The following FAM120B variants were observed in gnomAD, a reference collection of about 807,000 sequenced individuals.
FAM120B encodes the protein family with sequence similarity 120 member B, also known as constitutive coactivator of peroxisome proliferator-activated receptor gamma.
Under a neutral mutation model 96.3 loss-of-function variants are expected in FAM120B, and 83 were observed. That is an observed-to-expected ratio of 0.86 (90% CI 0.72 to 1.03). The LOEUF is 1.03. Among genes scored for constraint, FAM120B ranks in the 50% least tolerant of loss-of-function variants. The pLI, the probability that FAM120B is intolerant of heterozygous loss-of-function variation, is 0.00. For synonymous variants in FAM120B, 407 were observed against 402.7 expected, an observed-to-expected ratio of 1.01 and a Z score of -0.13; for missense variants, 1,027 against 1,121.2, an observed-to-expected ratio of 0.92 and a Z score of 1.20.
chr6:170,329,771 G>A (rs1339956252), intron 3 of FAM120B, among the ~76,000 whole-genome samples: 1 of 152,044 alleles, frequency 6.6e-6, no homozygotes, highest in East Asian at 1.9e-4. Context: ...ACATTAAGGG[G>A]ACATCTCTCC....
chr6:170,356,297 A>G (rs1787949896), intron 5 of FAM120B, among the ~76,000 whole-genome samples: 1 of 152,206 alleles, frequency 6.6e-6, no homozygotes, highest in Admixed American at 6.5e-5. Flanking sequence ...TTTAAATTGG[A>G]ACTTTTAAAA....
At chr6:170,389,707 G>A (rs957035574) in intron 7 of FAM120B, among the ~76,000 whole-genome samples, 9 of 151,930 alleles carry the variant, frequency 5.9e-5, no homozygotes, top group East Asian at 3.9e-4. Flanking sequence ...CTGCAGGCGC[G>A]CATCACCATG....
intron 1 of FAM120B, among the ~76,000 whole-genome samples, chr6:170,312,087 T>C (rs1784630060): frequency 6.6e-6 from 1 of 152,302 alleles, no homozygotes. Context: ...AGTGACATCA[T>C]GAGTTGGGAA....
intron 6 of FAM120B, among the ~76,000 whole-genome samples, chr6:170,384,691 G>C (rs749314093): frequency 2.6e-5 from 4 of 152,228 alleles, no homozygotes; most frequent in Non-Finnish European, 5.9e-5. Flanking sequence ...AATCACAGTG[G>C]GACGTGTGAG....
At chr6:170,361,257 T>C (rs1218879171) in intron 6 of FAM120B, among the ~76,000 whole-genome samples, 21 of 127,970 alleles carry the variant, frequency 1.6e-4, no homozygotes, top group African/African-American at 4.4e-4. Flanking sequence ...TATATATACG[T>C]GTATATATAT....
rs772816555 is a variant in FAM120B at position 170,317,605 on chromosome 6, G to A, written c.215G>A (p.Arg72Gln). ...TGGCGAGAATACTTTTCTGCTTTGC[G>A]AGATTTTGTTAAAACTTTTACGGCA... ...GQWREYFSAL[R>Q]DFVKTFTAAG... is the part of the protein sequence containing the mutation. The change falls in exon 2 of 11, where the codon CGA (arginine) becomes CAA (glutamine). Residue 72 changes from arginine to glutamine, a missense_variant. This residue lies in a region of FAM120B where 880 missense variants were observed against 980.9 expected (regional missense o/e 0.90). Coordinates refer to ENST00000476287, the MANE Select transcript of FAM120B (RefSeq NM_032448.3). The A allele has an allele frequency of 3.7e-5, 59 of 1,614,094 alleles. No homozygotes were observed. The highest frequency in any genetic ancestry group is 4.7e-5 in the Non-Finnish European group (56 of 1,180,052).
intron 9 of FAM120B, among the ~76,000 whole-genome samples, chr6:170,398,141 C>A (rs1473945631): frequency 1.3e-5 from 2 of 152,202 alleles, no homozygotes; most frequent in Non-Finnish European, 2.9e-5. Context: ...AGTGTGCCAT[C>A]AGGCCTCCCA....
chr6:170,404,386 A>G (rs1778727775), intron 9 of FAM120B, 164 bp from the exon 10 acceptor site: 2 of 550,400 alleles, frequency 3.6e-6, no homozygotes, highest in Middle Eastern at 4.0e-4. Flanking sequence ...ATAATTATGG[A>G]ACACAGTTTT....
chr6:170,291,081 G>A (rs1457857489), upstream of FAM120B: 1 of 701,142 alleles, frequency 1.4e-6, no homozygotes, highest in Admixed American at 2.0e-5. Context: ...TGGTCAGTGA[G>A]CTGTAAAATG....
intron 6 of FAM120B, among the ~76,000 whole-genome samples, chr6:170,372,562 T>G (rs1248895407): frequency 6.6e-6 from 1 of 152,216 alleles, no homozygotes; most frequent in Non-Finnish European, 1.5e-5. Flanking sequence ...TGCTGTTTCC[T>G]TAGGTAAATA....
chr6:170,337,946 A>G (rs996891153), intron 4 of FAM120B, among the ~76,000 whole-genome samples: 1 of 151,582 alleles, frequency 6.6e-6, no homozygotes, highest in Non-Finnish European at 1.5e-5. Context: ...CTAGCAGTCT[A>G]TCTATTTTGT....
chr6:170,404,338 C>A, intron 9 of FAM120B: 1 of 516,528 alleles, frequency 1.9e-6, no homozygotes, highest in Non-Finnish European at 3.4e-6. Flanking sequence ...TTGTTTCCTT[C>A]CACGAACCTC....
At chr6:170,344,548 C>T (rs897909873) in intron 4 of FAM120B, among the ~76,000 whole-genome samples, 5 of 151,834 alleles carry the variant, frequency 3.3e-5, no homozygotes, top group Non-Finnish European at 7.4e-5. Context: ...CATTCACCTG[C>T]ACCGTTGCCT....
chr6:170,381,500 A>G (rs1015405172), intron 6 of FAM120B, among the ~76,000 whole-genome samples: 3 of 152,196 alleles, frequency 2.0e-5, no homozygotes, highest in Non-Finnish European at 4.4e-5. Context: ...CAGAAAATAC[A>G]AGAAGATAGA....
At chr6:170,361,231 T>G (rs1425557866) in intron 6 of FAM120B, among the ~76,000 whole-genome samples, 1 of 125,944 alleles carries the variant, frequency 7.9e-6, no homozygotes, top group Non-Finnish European at 1.7e-5. Context: ...TATATATATA[T>G]ATATACACGT....
chr6:170,401,433 C>T (rs1778578257), intron 9 of FAM120B, among the ~76,000 whole-genome samples: 1 of 152,072 alleles, frequency 6.6e-6, no homozygotes, highest in Admixed American at 6.5e-5. Flanking sequence ...AGTGTCCCAT[C>T]AGGACTGAGC....
At chr6:170,327,288 C>T (rs566819529) in intron 3 of FAM120B, among the ~76,000 whole-genome samples, 6 of 152,234 alleles carry the variant, frequency 3.9e-5, no homozygotes, top group Admixed American at 6.5e-5. Flanking sequence ...CCTTGTGATC[C>T]GCCCACCTCG....
intron 1 of FAM120B, 30 bp downstream of exon 1, chr6:170,306,872 T>C (rs9460106): frequency 0.32 from 49,365 of 152,078 alleles, 9,928 homozygotes; most frequent in East Asian, 0.9. Context: ...CACCCGCGGG[T>C]CTTCCGGGCC....
intron 6 of FAM120B, among the ~76,000 whole-genome samples, chr6:170,385,366 C>T (rs1289274439): frequency 6.7e-6 from 1 of 149,114 alleles, no homozygotes; most frequent in African/African-American, 2.4e-5. Flanking sequence ...AATGAATATA[C>T]TTTAAAAAAA....
Sources: gnomAD v4.1 joint callset for allele counts (sites outside exome capture counted in the v4.1 genomes callset) on GRCh38, gnomAD v4.1.1 for gene constraint, gnomAD v4.1.1 regional missense constraint, MANE v1.5 for transcripts, NCBI Gene and HGNC (gene_info 2026-07-23, HGNC 2026-07-21) for gene names.